PCDH11X: variants seen among roughly 807,000 people sequenced by gnomAD.
The protein encoded by PCDH11X is protocadherin 11 X-linked, also known as protocadherin-11 X-linked.
Under a neutral mutation model 53.3 loss-of-function variants are expected in PCDH11X, and 18 were observed. The ratio of observed to expected loss-of-function variants is 0.34; its 90% CI spans 0.23 to 0.50. The LOEUF (loss-of-function observed/expected upper bound fraction) is 0.50, where lower values mean the gene tolerates loss of function less well. Ranked by LOEUF, PCDH11X falls within the 20% of genes least tolerant of loss-of-function variation. PCDH11X has a pLI of 0.98. For missense variants in PCDH11X, 570 were observed against 1,032.4 expected, an observed-to-expected ratio of 0.55 and a Z score of 6.14; for synonymous variants, 279 against 393.3, an observed-to-expected ratio of 0.71 and a Z score of 3.44.
At chrX:92,445,096 T>G (rs1338274035) in intron 9 of PCDH11X, among the ~76,000 whole-genome samples, 1 of 104,365 alleles carries the variant, frequency 9.6e-6, no homozygotes, top group Non-Finnish European at 2.0e-5. Flanking sequence ...GAGGAGCTCT[T>G]TCTCCTTGAT....
rs1317934068 is a variant in PCDH11X, at chrX:92,416,927, T to A, written c.3343+28994T>A. Among the ~76,000 whole-genome samples, 3 of 110,584 alleles carry A rather than the reference T, an allele frequency of 2.7e-5. No individual in the cohort carries two copies. In the Admixed American group the frequency reaches 2.9e-4, roughly 11 times the overall value. On this transcript the variant is annotated intron_variant, in intron 9 of 10. Coordinates refer to ENST00000682573, the MANE Select transcript of PCDH11X (RefSeq NM_032968.5). ...CAGGATCCAAGCCACTTTGGTGGCA[T>A]TTTTTTTTAGTTTAACATTATCTCA... is the stretch of plus-strand genomic sequence containing the variant.
Position 92,473,514 on chromosome X carries a change from C to G in PCDH11X, c.3367+5192C>G, listed in dbSNP as rs1269647022. 3.6e-5 allele frequency among the ~76,000 whole-genome samples: 4 copies of G among 110,666 alleles called. No homozygotes were observed. In the Admixed American group the frequency reaches 3.8e-4, roughly 11 times the overall value. On this transcript the variant is annotated intron_variant, in intron 10 of 10. Transcript: ENST00000682573. The stretch of plus-strand genomic sequence containing the variant: ...TTGGATTTTGTTTGCTCTTGCTTTT[C>G]CTGTTGTTTAAGATGCGTCGTTAGG...
At chrX:92,412,166 G>GGAGGAA (rs1556412256) in intron 9 of PCDH11X, among the ~76,000 whole-genome samples, 25 of 104,081 alleles carry the variant, frequency 2.4e-4, no homozygotes, top group African/African-American at 8.5e-4. Context: ...AGGAGGAGGA[G>GGAGGAA]GAAAAGGGAG....
chrX:92,018,771 T>C (rs187881943), intron 6 of PCDH11X, among the ~76,000 whole-genome samples: 394 of 112,529 alleles, frequency 3.5e-3, no homozygotes, highest in African/African-American at 0.012. Context: ...TACACACACA[T>C]TGCCCATTGA....
chrX:92,268,845 C>T (rs1446222185), intron 8 of PCDH11X, among the ~76,000 whole-genome samples: 8 of 111,895 alleles, frequency 7.1e-5, no homozygotes, highest in African/African-American at 2.6e-4. Flanking sequence ...GCACAGTGGC[C>T]GATAACATCA....
chrX:92,331,341 C>CTTCTTCTTCTT (rs1329567733), intron 8 of PCDH11X, among the ~76,000 whole-genome samples: 2 of 35,863 alleles, frequency 5.6e-5, no homozygotes, highest in Non-Finnish European at 8.9e-5. Flanking sequence ...TTCCTTCCTT[C>CTTCTTCTTCTT]CTTTTCCCCC....
chrX:92,347,318 C>T (rs1255073826), intron 8 of PCDH11X, among the ~76,000 whole-genome samples: 1 of 111,157 alleles, frequency 9.0e-6, no homozygotes, highest in Admixed American at 9.6e-5. Flanking sequence ...TATATATTCA[C>T]ATAGTTTGAC....
intron 7 of PCDH11X, among the ~76,000 whole-genome samples, chrX:92,259,919 A>G (rs758909295): frequency 6.3e-5 from 7 of 111,600 alleles, no homozygotes; most frequent in Non-Finnish European, 1.3e-4. Flanking sequence ...CGGGTGCACC[A>G]CAGCTGTGAC....
chrX:92,391,581 AT>A (rs765237960), intron 9 of PCDH11X, among the ~76,000 whole-genome samples: 238 of 110,797 alleles, frequency 2.1e-3, no homozygotes, highest in South Asian at 6.7e-3. Context: ...TGTTTTCTAA[AT>A]TTTTTTTCTG....
At chrX:91,846,011 A>G (rs1007962695) in intron 5 of PCDH11X, among the ~76,000 whole-genome samples, 9 of 111,583 alleles carry the variant, frequency 8.1e-5, no homozygotes, top group African/African-American at 2.9e-4. Flanking sequence ...TGTAAATTGT[A>G]ATCTCATTGT....
intron 5 of PCDH11X, among the ~76,000 whole-genome samples, chrX:91,854,240 T>C (rs1325060061): frequency 8.9e-6 from 1 of 111,836 alleles, no homozygotes; most frequent in Non-Finnish European, 1.9e-5. Context: ...CTCCCACAAA[T>C]ATGTGAGAAC....
At chrX:92,484,324 T>C (rs1348415005) in intron 10 of PCDH11X, among the ~76,000 whole-genome samples, 1 of 103,219 alleles carries the variant, frequency 9.7e-6, no homozygotes, top group East Asian at 2.9e-4. Flanking sequence ...TATATATATA[T>C]GCTAGATCGA....
intron 7 of PCDH11X, among the ~76,000 whole-genome samples, chrX:92,212,039 T>A (rs1192317574): frequency 1.2e-5 from 1 of 83,030 alleles, no homozygotes; most frequent in African/African-American, 4.9e-5. Context: ...TGAGGCAGAG[T>A]CTTGCTTTGT....
At chrX:92,406,957 T>C (rs1331860113) in intron 9 of PCDH11X, among the ~76,000 whole-genome samples, 2 of 93,914 alleles carry the variant, frequency 2.1e-5, no homozygotes, top group African/African-American at 7.9e-5. Flanking sequence ...AAAGGAAAAA[T>C]TGAACTCTCA....
intron 4 of PCDH11X, among the ~76,000 whole-genome samples, chrX:91,821,557 C>G (rs1602290893): frequency 9.2e-6 from 1 of 108,949 alleles, no homozygotes; most frequent in South Asian, 3.9e-4. Flanking sequence ...TGTTTATCAG[C>G]TTAAGGAGAT....
intron 8 of PCDH11X, among the ~76,000 whole-genome samples, chrX:92,324,365 T>C (rs1049308479): frequency 3.6e-5 from 4 of 111,404 alleles, no homozygotes; most frequent in African/African-American, 1.3e-4. Flanking sequence ...TACTTATAAA[T>C]CAATTTGGCA....
At chrX:92,456,338 G>A (rs750695302) in intron 9 of PCDH11X, among the ~76,000 whole-genome samples, 101 of 111,530 alleles carry the variant, frequency 9.1e-4, no homozygotes, top group African/African-American at 3.2e-3. Context: ...TCTACAAACT[G>A]TGTAGCAGAA....
Position 91,884,785 on chromosome X carries a change from A to G in PCDH11X, c.3033+5512A>G, listed in dbSNP as rs1212986238. Reference sequence around the variant, plus strand: ...AGTACAAAGGACCCTTATAATGATTACATAGCATATGCTTCCTGAATTTTA... The same window carrying G: ...AGTACAAAGGACCCTTATAATGATTGCATAGCATATGCTTCCTGAATTTTA... On this transcript the variant is annotated intron_variant, in intron 6 of 10. Coordinates refer to ENST00000682573, the MANE Select transcript of PCDH11X (RefSeq NM_032968.5). 6.3e-5 allele frequency among the ~76,000 whole-genome samples: 7 copies of G among 110,499 alleles called. No homozygotes were observed. In the Admixed American group the frequency reaches 6.8e-4, roughly 11 times the overall value.
intron 6 of PCDH11X, among the ~76,000 whole-genome samples, chrX:92,136,294 T>C (rs2065081988): frequency 9.1e-6 from 1 of 110,431 alleles, no homozygotes; most frequent in Non-Finnish European, 1.9e-5. Flanking sequence ...GATGTATGTG[T>C]GACGTAGACA....
Sources: gnomAD v4.1 joint callset for allele counts (sites outside exome capture counted in the v4.1 genomes callset) on GRCh38, gnomAD v4.1.1 for gene constraint, MANE v1.5 for transcripts, NCBI Gene and HGNC (gene_info 2026-07-23, HGNC 2026-07-21) for gene names.